Variants in MARCHF11 observed in about 807,000 individuals in gnomAD.
The protein encoded by MARCHF11 is membrane associated ring-CH-type finger 11.
In MARCHF11, 29 loss-of-function variants were observed where a neutral mutation model predicts 37.3. That is an observed-to-expected ratio of 0.78 (90% CI 0.58 to 1.06). The LOEUF (loss-of-function observed/expected upper bound fraction) is 1.06. MARCHF11 is among the 50% of genes least tolerant of loss of function. MARCHF11 has a pLI of 0.00. For missense variants in MARCHF11, 482 were observed against 533.4 expected (o/e 0.90, Z 0.95); for synonymous variants, 233 against 228.0 (o/e 1.02, Z -0.20).
chr5:16,175,251 A>G (rs2126612172), intron 2 of MARCHF11, among the ~76,000 whole-genome samples: 1 of 152,348 alleles, frequency 6.6e-6, no homozygotes, highest in East Asian at 1.9e-4. Flanking sequence ...CATAAATGAC[A>G]GTTGTTGTTT....
chr5:16,097,054 G>A (rs13175687), intron 2 of MARCHF11, among the ~76,000 whole-genome samples: 45,410 of 151,986 alleles, frequency 0.3, 7,953 homozygotes, highest in East Asian at 0.57. Flanking sequence ...TATACTGTGC[G>A]CTATGACAGG....
chr5:16,073,644 A>T (rs1273862448), intron 3 of MARCHF11, among the ~76,000 whole-genome samples: 1 of 150,884 alleles, frequency 6.6e-6, no homozygotes, highest in Non-Finnish European at 1.5e-5. Flanking sequence ...TATTTGCAAA[A>T]TATGCAAAAG....
chr5:16,085,510 T>C (rs536219055), intron 3 of MARCHF11, among the ~76,000 whole-genome samples: 1 of 146,282 alleles, frequency 6.8e-6, no homozygotes, highest in African/African-American at 2.6e-5. Flanking sequence ...AATCCACTGA[T>C]TAAAATGTCA....
At chr5:16,083,155 T>C (rs1736640743) in intron 3 of MARCHF11, among the ~76,000 whole-genome samples, 2 of 152,294 alleles carry the variant, frequency 1.3e-5, no homozygotes, top group Admixed American at 1.3e-4. Flanking sequence ...AGCTCTGAGA[T>C]GCACGGGGCT....
At chr5:16,104,506 G>C (rs1427698218) in intron 2 of MARCHF11, among the ~76,000 whole-genome samples, 1 of 152,032 alleles carries the variant, frequency 6.6e-6, no homozygotes, top group African/African-American at 2.4e-5. Context: ...TTAAGGCCCT[G>C]GAAGAAAAGT....
At chr5:16,090,293 G>A (rs1433252763) in intron 3 of MARCHF11, among the ~76,000 whole-genome samples, 1 of 152,094 alleles carries the variant, frequency 6.6e-6, no homozygotes, top group Non-Finnish European at 1.5e-5. Flanking sequence ...CCGAAGTAAC[G>A]TTTTTGTAGG....
chr5:16,128,314 G>A (rs1737451372), intron 2 of MARCHF11, among the ~76,000 whole-genome samples: 1 of 152,182 alleles, frequency 6.6e-6, no homozygotes, highest in Admixed American at 6.5e-5. Context: ...ACCTGTGAGT[G>A]ACGGAATAAC....
intron 2 of MARCHF11, among the ~76,000 whole-genome samples, chr5:16,169,943 C>A (rs1029153208): frequency 6.6e-6 from 1 of 152,062 alleles, no homozygotes; most frequent in African/African-American, 2.4e-5. Context: ...AGCAAAACAT[C>A]AGTCACATCA....
At chr5:16,137,089 A>G (rs374066741) in intron 2 of MARCHF11, among the ~76,000 whole-genome samples, 3 of 152,240 alleles carry the variant, frequency 2.0e-5, no homozygotes, top group African/African-American at 7.2e-5. Flanking sequence ...TAACACATCT[A>G]TTATGTAACT....
chr5:16,169,513 T>A (rs1010168941), intron 2 of MARCHF11, among the ~76,000 whole-genome samples: 2 of 152,098 alleles, frequency 1.3e-5, no homozygotes, highest in Non-Finnish European at 2.9e-5. Context: ...AAGGGAAGGA[T>A]GGAATAAGAA....
chr5:16,154,017 G>A (rs73044681), intron 2 of MARCHF11, among the ~76,000 whole-genome samples: 313 of 152,000 alleles, frequency 2.1e-3, no homozygotes, highest in African/African-American at 6.1e-3. Flanking sequence ...TCAGGACAAC[G>A]AGATAGGAGA....
chr5:16,106,995 A>G (rs1439690153), intron 2 of MARCHF11, among the ~76,000 whole-genome samples: 4 of 152,208 alleles, frequency 2.6e-5, no homozygotes, highest in Non-Finnish European at 5.9e-5. Context: ...ATGGAAATGG[A>G]AGAAACCACC....
At chr5:16,101,743 A>G (rs1317219710) in intron 2 of MARCHF11, among the ~76,000 whole-genome samples, 1 of 152,242 alleles carries the variant, frequency 6.6e-6, no homozygotes, top group African/African-American at 2.4e-5. Context: ...GAGCTTATTT[A>G]AACTCTCAAC....
chr5:16,094,956 G>C (rs989421683), intron 2 of MARCHF11, among the ~76,000 whole-genome samples: 14 of 152,098 alleles, frequency 9.2e-5, no homozygotes, highest in African/African-American at 3.4e-4. Flanking sequence ...CATTTTACAG[G>C]TAAGTAAACT....
intron 2 of MARCHF11, among the ~76,000 whole-genome samples, chr5:16,118,914 G>C (rs1359147780): frequency 6.6e-6 from 1 of 152,170 alleles, no homozygotes; most frequent in Non-Finnish European, 1.5e-5. Context: ...AGAGTGGCTG[G>C]GAAAGGAGAC....
At chr5:16,118,563 T>A (rs949723317) in intron 2 of MARCHF11, among the ~76,000 whole-genome samples, 2 of 152,154 alleles carry the variant, frequency 1.3e-5, no homozygotes, top group Non-Finnish European at 2.9e-5. Flanking sequence ...TCTCATTAAA[T>A]AAGCAAGAGA....
rs138326445 is a variant in MARCHF11 at position 16,116,477 on chromosome 5, T to C, written c.694-25396A>G. On this transcript the variant is annotated intron_variant, in intron 2 of 3. Coordinates refer to ENST00000332432, the MANE Select transcript of MARCHF11 (RefSeq NM_001102562.3). ...GTTCAGTGTTACCCCCACCCTCTAATTGCAGAGAATTGTTATTACAAGTGA... is the reference window on the plus strand; with the variant it reads ...GTTCAGTGTTACCCCCACCCTCTAACTGCAGAGAATTGTTATTACAAGTGA... Among the ~76,000 whole-genome samples the C allele has an allele frequency of 2.6e-5, 4 of 152,284 alleles. No homozygotes were observed. In the East Asian group the frequency reaches 5.8e-4, roughly 22 times the overall value.
intron 2 of MARCHF11, among the ~76,000 whole-genome samples, chr5:16,142,318 C>T (rs1737720695): frequency 6.6e-6 from 1 of 152,184 alleles, no homozygotes; most frequent in Admixed American, 6.5e-5. Context: ...GGACCTATGT[C>T]CTCACCTCCT....
chr5:16,145,328 T>C (rs1186958413), intron 2 of MARCHF11, among the ~76,000 whole-genome samples: 3 of 152,142 alleles, frequency 2.0e-5, no homozygotes, highest in African/African-American at 7.2e-5. Flanking sequence ...TTAATACTGC[T>C]ACAGAATGGG....
Sources: allele counts gnomAD v4.1 joint callset (sites outside exome capture counted in the v4.1 genomes callset), GRCh38; gene constraint gnomAD v4.1.1; transcripts MANE v1.5; gene names NCBI Gene and HGNC (gene_info 2026-07-23, HGNC 2026-07-21).